Variants in GATA4 observed in about 807,000 individuals in gnomAD.
GATA4 encodes transcription factor GATA-4.
In GATA4, 7 loss-of-function variants were observed where a neutral mutation model predicts 37.9. That is an observed-to-expected ratio of 0.18 (90% CI 0.11 to 0.35). The LOEUF is 0.35. Among genes scored for constraint, GATA4 ranks in the 10% least tolerant of loss-of-function variants. GATA4 has a pLI of 1.00. For missense variants in GATA4, 647 were observed against 653.0 expected, an observed-to-expected ratio of 0.99 and a Z score of 0.10; for synonymous variants, 372 against 292.6, an observed-to-expected ratio of 1.27 and a Z score of -2.77.
chr8:11,746,746 G>A (rs548860147), intron 2 of GATA4, among the ~76,000 whole-genome samples: 1 of 152,374 alleles, frequency 6.6e-6, no homozygotes, highest in South Asian at 2.1e-4. Context: ...ATGGGCGGGA[G>A]TGGCCGCATC....
chr8:11,713,818 C>T (rs1585609431), intron 2 of GATA4, among the ~76,000 whole-genome samples: 1 of 152,150 alleles, frequency 6.6e-6, no homozygotes, highest in Non-Finnish European at 1.5e-5. Context: ...TGGAGCTCTG[C>T]GGATAGTTCT....
At chr8:11,740,973 T>C (rs1801709322) in intron 2 of GATA4, among the ~76,000 whole-genome samples, 1 of 152,018 alleles carries the variant, frequency 6.6e-6, no homozygotes, top group Non-Finnish European at 1.5e-5. Context: ...ACCTCAAGTG[T>C]TCCATCCGCT....
chr8:11,681,366 G>T, intron 1 of GATA4: 3 of 985,340 alleles, frequency 3.0e-6, no homozygotes, highest in Non-Finnish European at 3.6e-6. Context: ...CGTCCCCCTA[G>T]GTCTCATAAA....
chr8:11,737,397 G>C (rs1467494586), intron 2 of GATA4, among the ~76,000 whole-genome samples: 1 of 152,234 alleles, frequency 6.6e-6, no homozygotes, highest in Non-Finnish European at 1.5e-5. Context: ...CAGACCCATT[G>C]TCTCGGTCCC....
chr8:11,681,230 TTTGGGGACTTACAG>T (rs1798961022), intron 1 of GATA4: 1 of 985,148 alleles, frequency 1.0e-6, no homozygotes. Flanking sequence ...TTTCTCGACG[TTTGGGGACTTACAG>T]CTCGTCTGGG....
chr8:11,678,560 G>C (rs1016002085), intron 1 of GATA4, among the ~76,000 whole-genome samples: 1 of 152,164 alleles, frequency 6.6e-6, no homozygotes, highest in Non-Finnish European at 1.5e-5. Context: ...AAGCAGGGAC[G>C]GGCCAATCTG....
upstream of GATA4, among the ~76,000 whole-genome samples, chr8:11,699,629 C>T (rs551233004): frequency 7.4e-4 from 112 of 152,364 alleles, no homozygotes; most frequent in Admixed American, 3.5e-3. Context: ...GCGCCTCCAG[C>T]GCTGGCGCTC....
intron 1 of GATA4, among the ~76,000 whole-genome samples, chr8:11,684,419 G>C (rs1799075027): frequency 6.6e-6 from 1 of 152,180 alleles, no homozygotes; most frequent in African/African-American, 2.4e-5. Context: ...CTTTTTCAAA[G>C]ATAAAATTTC....
chr8:11,724,411 T>C (rs1368533566), intron 2 of GATA4, among the ~76,000 whole-genome samples: 2 of 152,234 alleles, frequency 1.3e-5, no homozygotes, highest in African/African-American at 4.8e-5. Context: ...GACTGCACCA[T>C]TTTATATCCT....
chr8:11,746,938 G>T (rs912460497), intron 2 of GATA4, among the ~76,000 whole-genome samples: 4 of 152,220 alleles, frequency 2.6e-5, no homozygotes, highest in Admixed American at 2.0e-4. Context: ...GCAAATGACT[G>T]TTTGTGTACC....
chr8:11,683,203 C>A, intron 1 of GATA4: 1 of 885,396 alleles, frequency 1.1e-6, no homozygotes, highest in Non-Finnish European at 1.4e-6. Context: ...ATCCATTAGA[C>A]CTCAGCATTT....
In GATA4 at chr8:11,708,173, T is replaced by C; in HGVS notation, c.-140T>C. ...ACGTATATATTTTTAAGCGAGTTGG[T>C]TTTTTCCCCTTTGATTTTTGATCTT... is the stretch of plus-strand genomic sequence containing the variant. On this transcript the variant is annotated 5_prime_UTR_variant, in exon 2 of 7. Coordinates refer to ENST00000532059, the MANE Select transcript of GATA4 (RefSeq NM_001308093.3). This position sits in a 1 kb window ranked among gnomAD's most constrained non-coding sequence, Gnocchi z 6.7. 1 of 969,710 alleles carries C rather than the reference T, an allele frequency of 1.0e-6. No homozygotes were observed. Among genetic ancestry groups the C allele is most frequent in the Non-Finnish European group, 1.6e-6 (1 of 632,418 alleles). 60.1% of individuals were successfully genotyped at this position (969,710 alleles called of 1,614,324 possible).
In GATA4 at chr8:11,707,846, C is replaced by T. The variant is rs1799963024; in HGVS notation, c.-457-10C>T. ...AACCACCCTCTCTCTTTCTGTCGTT[C>T]CTCTTTTAGGACCCCGGCTGCGGCG... On this transcript the variant is annotated splice_polypyrimidine_tract_variant and intron_variant, in intron 1 of 6. Transcript: ENST00000532059. The surrounding 1 kb of genome is among the most constrained non-coding windows in gnomAD (Gnocchi z 4.7). 8.7e-6 allele frequency: 2 copies of T among 231,008 alleles called. No individual in the cohort carries two copies. The highest frequency in any genetic ancestry group is 4.8e-5 in the South Asian group (1 of 20,724). The allele number at this position is 231,008 out of a possible 1,614,324, so 14.3% of individuals were successfully genotyped here.
chr8:11,682,025 C>A (rs1377879842), intron 1 of GATA4, among the ~76,000 whole-genome samples: 1 of 152,210 alleles, frequency 6.6e-6, no homozygotes, highest in Non-Finnish European at 1.5e-5. Flanking sequence ...AATCAAAAGG[C>A]TTCTTGTCTG....
chr8:11,700,724 G>T (rs1234467939), upstream of GATA4: 1 of 152,274 alleles, frequency 6.6e-6, no homozygotes, highest in Non-Finnish European at 1.5e-5. Flanking sequence ...GATCCCTCGC[G>T]GCAGGGCCGC....
chr8:11,683,120 G>T (rs985865564), intron 1 of GATA4: 1 of 985,288 alleles, frequency 1.0e-6, no homozygotes, highest in African/African-American at 1.7e-5. Context: ...CTCTTGGTGT[G>T]GTGGCCACTG....
upstream of GATA4, among the ~76,000 whole-genome samples, chr8:11,704,000 G>A (rs960534649): frequency 6.6e-6 from 1 of 152,254 alleles, no homozygotes; most frequent in African/African-American, 2.4e-5. Flanking sequence ...GCTCCCTGGC[G>A]GTAGCACTTG....
At chr8:11,755,832 T>G (rs1428322912) in intron 5 of GATA4, among the ~76,000 whole-genome samples, 1 of 151,422 alleles carries the variant, frequency 6.6e-6, no homozygotes, top group Non-Finnish European at 1.5e-5. Flanking sequence ...TAAGGGCTGC[T>G]CAAAAGTTTG....
chr8:11,680,394 C>T, intron 1 of GATA4: 1 of 829,446 alleles, frequency 1.2e-6, no homozygotes, highest in South Asian at 5.5e-5. Context: ...TTCATTGCCA[C>T]TTTCCCGCCC....
Sources: allele counts gnomAD v4.1 joint callset (sites outside exome capture counted in the v4.1 genomes callset), GRCh38; gene constraint gnomAD v4.1.1; non-coding constraint Gnocchi (gnomAD v3.1); transcripts MANE v1.5; gene names NCBI Gene and HGNC (gene_info 2026-07-23, HGNC 2026-07-21).